SETD2: variants seen among roughly 807,000 people sequenced by gnomAD.
SETD2 encodes the protein SET domain containing 2, histone lysine methyltransferase.
In SETD2, 31 loss-of-function variants were observed where a neutral mutation model predicts 242.1. The observed-to-expected ratio is 0.13, with a 90% confidence interval of 0.10 to 0.17. The LOEUF (loss-of-function observed/expected upper bound fraction) is 0.17, where lower values mean the gene tolerates loss of function less well. Among genes scored for constraint, SETD2 ranks in the 10% least tolerant of loss-of-function variants. SETD2 has a pLI of 1.00. For synonymous variants in SETD2, 1,006 were observed against 1,066.5 expected (o/e 0.94, Z 1.11); for missense variants, 2,481 against 3,046.3 (o/e 0.81, Z 4.37).
At chr3:47,135,773 A>C (rs760634596) in intron 1 of SETD2, among the ~76,000 whole-genome samples, 13 of 152,252 alleles carry the variant, frequency 8.5e-5, no homozygotes, top group Middle Eastern at 3.4e-3. Context: ...TGACGATCCC[A>C]CCACTTTGCT....
intron 9 of SETD2, among the ~76,000 whole-genome samples, chr3:47,096,915 C>A (rs1172369493): frequency 6.6e-6 from 1 of 152,004 alleles, no homozygotes; most frequent in African/African-American, 2.4e-5. Context: ...TTTTAACGGA[C>A]CTTTCCAATG....
chr3:47,162,211 C>T (rs932304077), intron 1 of SETD2, among the ~76,000 whole-genome samples: 7 of 152,090 alleles, frequency 4.6e-5, no homozygotes, highest in African/African-American at 1.7e-4. Flanking sequence ...AGGCACTTAG[C>T]CTATTCAGGG....
chr3:47,057,112 T>C lies in SETD2; in HGVS notation c.6672A>G (p.Pro2224=), dbSNP rs2040118219. 1.9e-6 allele frequency: 3 copies of C among 1,614,078 alleles called. No homozygotes were observed. The highest frequency in any genetic ancestry group is 2.7e-5 in the African/African-American group (2 of 74,938). ...CAGGAGCTGCCACATGTGGCACCAC[T>C]GGTACTGGTGGAGGGGCAGAAAGGG... The part of the protein sequence containing the change: ...TEPLSAPPPV[P]VVPHVAAPVE... Residue 2224 remains proline (P), a synonymous_variant, in exon 15 of 21, where the codon CCA becomes CCG. Coordinates refer to ENST00000409792, the MANE Select transcript of SETD2 (RefSeq NM_014159.7).
chr3:47,036,064 C>A (rs1016219037), intron 18 of SETD2, among the ~76,000 whole-genome samples: 1 of 152,184 alleles, frequency 6.6e-6, no homozygotes, highest in Admixed American at 6.5e-5. Context: ...AATATTTCCT[C>A]CAAAAGTGAA....
chr3:47,146,291 T>G (rs938129318), intron 1 of SETD2, among the ~76,000 whole-genome samples: 1 of 152,036 alleles, frequency 6.6e-6, no homozygotes, highest in Non-Finnish European at 1.5e-5. Context: ...AAAACTGAAA[T>G]AGTACTATAT....
At chr3:47,032,574 T>C (rs1008349543) in intron 18 of SETD2, among the ~76,000 whole-genome samples, 1 of 151,536 alleles carries the variant, frequency 6.6e-6, no homozygotes, top group Non-Finnish European at 1.5e-5. Context: ...TGAAATAAAT[T>C]CTAAATCAAT....
intron 1 of SETD2, among the ~76,000 whole-genome samples, chr3:47,132,970 A>G (rs2043512350): frequency 6.6e-6 from 1 of 152,338 alleles, no homozygotes; most frequent in South Asian, 2.1e-4. Context: ...TAGGTTAGAA[A>G]ATAATATTGT....
intron 1 of SETD2, chr3:47,163,395 G>A (rs368099152): frequency 6.6e-6 from 1 of 152,066 alleles, no homozygotes; most frequent in East Asian, 2.0e-4. Context: ...GACGGGTCGA[G>A]CTTCCACCCG....
In SETD2 at chr3:47,096,875, T is replaced by TA. The variant is rs1575766403; in HGVS notation, c.5142+1079_5142+1080insT. 2.0e-5 allele frequency among the ~76,000 whole-genome samples: 3 copies of TA among 152,328 alleles called. No homozygotes were observed. The East Asian group carries it at 5.8e-4, about 29-fold the overall frequency. The stretch of plus-strand genomic sequence containing the variant: ...ATGTTGGGTGGTGGAAATACAGGTG[T>TA]TTGTTATATAAACTGTCCTTTTCTG... On this transcript the variant is annotated intron_variant, in intron 9 of 20. Coordinates refer to ENST00000409792, the MANE Select transcript of SETD2 (RefSeq NM_014159.7).
At position 47,127,601 on chromosome 3, in the gene SETD2, C is replaced by T. The variant is rs143425071; in HGVS notation, c.72-938G>A. ...TTTAGGCCAGGTGCGGTGGCTCACG[C>T]CTGTAATCCCAGCACTTTGGGAGGC... is the stretch of plus-strand genomic sequence containing the variant. On this transcript the variant is annotated intron_variant, in intron 1 of 20. Coordinates refer to ENST00000409792, the MANE Select transcript of SETD2 (RefSeq NM_014159.7). The T allele has an allele frequency of 7.9e-4, 352 of 445,758 alleles. 2 individuals carry two copies. The highest frequency in any genetic ancestry group is 6.5e-3 in the African/African-American group (324 of 49,736). The allele number at this position is 445,758 out of a possible 1,614,324, so 27.6% of individuals were successfully genotyped here.
At chr3:47,062,486 C>T (rs1002855312) in intron 13 of SETD2, 140 bp from the exon 14 acceptor site, 2 of 719,444 alleles carry the variant, frequency 2.8e-6, no homozygotes, top group African/African-American at 3.6e-5. Context: ...GTCATCTACC[C>T]AGTTCTGAAT....
In SETD2 at chr3:47,033,832, A is replaced by G. The variant is rs531843543; in HGVS notation, c.7350+3834T>C. 2.2e-4 allele frequency among the ~76,000 whole-genome samples: 33 copies of G among 152,032 alleles called. 1 individual carries two copies. The highest frequency in any genetic ancestry group is 1.6e-3 in the Admixed American group (24 of 15,266). On this transcript the variant is annotated intron_variant, in intron 18 of 20. Coordinates refer to ENST00000409792, the MANE Select transcript of SETD2 (RefSeq NM_014159.7). ...TGCTCAGGCATGTGCCACCATGCCC[A>G]GCTAATTTTTCTATTTTTAGTAGAG...
chr3:47,133,175 T>C (rs188617982), intron 1 of SETD2, among the ~76,000 whole-genome samples: 2 of 152,204 alleles, frequency 1.3e-5, no homozygotes, highest in Non-Finnish European at 2.9e-5. Flanking sequence ...CTCGGGAATC[T>C]GGGTGAAGGG....
intron 12 of SETD2, among the ~76,000 whole-genome samples, chr3:47,082,763 CA>C (rs1381476114): frequency 2.6e-5 from 4 of 152,148 alleles, no homozygotes; most frequent in African/African-American, 9.7e-5. Context: ...ACACAACCAC[CA>C]ACTACTCATT....
intron 1 of SETD2, among the ~76,000 whole-genome samples, chr3:47,154,364 G>C: frequency 6.6e-6 from 1 of 151,848 alleles, no homozygotes; most frequent in Non-Finnish European, 1.5e-5. Context: ...AGCCGAGATT[G>C]TGCCACTGCA....
chr3:47,120,481 T>C lies in SETD2; in HGVS notation c.4155A>G (p.Glu1385=), dbSNP rs1373761721. ...CTAAGTTTTTTGAAAAATCTTTCTT[T>C]TCATTCACAGCTAAAGTGTCCTTAA... ...NSIKDTLAVN[E]KKDFSKNLEK... Residue 1385 remains glutamate (E), a synonymous_variant, in exon 3 of 21, where the codon GAA becomes GAG. Transcript: ENST00000409792. 1.9e-6 allele frequency: 3 copies of C among 1,613,574 alleles called. No homozygotes were observed. Among genetic ancestry groups the C allele is most frequent in the Admixed American group, 1.7e-5 (1 of 59,844 alleles).
chr3:47,161,399 T>A (rs1313420435), intron 1 of SETD2, among the ~76,000 whole-genome samples: 1 of 152,174 alleles, frequency 6.6e-6, no homozygotes, highest in African/African-American at 2.4e-5. Context: ...CCAGGTTTTT[T>A]AAACCCTATA....
At chr3:47,069,431 G>A (rs1214007722) in intron 12 of SETD2, among the ~76,000 whole-genome samples, 1 of 152,144 alleles carries the variant, frequency 6.6e-6, no homozygotes, top group African/African-American at 2.4e-5. Context: ...CCCAAGAAGC[G>A]TTCATGGAAA....
At chr3:47,060,973 C>T (rs1290470078) in intron 14 of SETD2, among the ~76,000 whole-genome samples, 1 of 152,060 alleles carries the variant, frequency 6.6e-6, no homozygotes, top group Non-Finnish European at 1.5e-5. Flanking sequence ...CCTGTAATCC[C>T]GCACTTTGGG....
Sources: gnomAD v4.1 joint callset for allele counts (sites outside exome capture counted in the v4.1 genomes callset) on GRCh38, gnomAD v4.1.1 for gene constraint, MANE v1.5 for transcripts, NCBI Gene and HGNC (gene_info 2026-07-23, HGNC 2026-07-21) for gene names.